The following ZNF337 variants were observed in gnomAD, a reference collection of about 807,000 sequenced individuals.
The protein encoded by ZNF337 is zinc finger protein 337.
Under a neutral mutation model 12.1 loss-of-function variants are expected in ZNF337, and 8 were observed. The ratio of observed to expected loss-of-function variants is 0.66; its 90% CI spans 0.39 to 1.19. The LOEUF (loss-of-function observed/expected upper bound fraction) is 1.19. Ranked by LOEUF, ZNF337 falls within the 50% of genes most tolerant of loss-of-function variation. The pLI is 0.01. For missense variants in ZNF337, 882 were observed against 896.6 expected, an observed-to-expected ratio of 0.98 and a Z score of 0.21; for synonymous variants, 336 against 320.0, an observed-to-expected ratio of 1.05 and a Z score of -0.53.
At position 25,676,983 on chromosome 20, in the gene ZNF337, C is replaced by T; in HGVS notation, c.305G>A (p.Arg102Lys). 6.2e-7 allele frequency: 1 copy of T among 1,613,900 alleles called. No homozygotes were observed. The highest frequency in any genetic ancestry group is 2.2e-5 in the East Asian group (1 of 44,874). Residue 102 changes from arginine (R) to lysine (K), a missense_variant, in exon 5 of 5, where the codon AGG (arginine) becomes AAG (lysine). Physicochemically the swap from Arg to Lys is conservative, Grantham distance 26. Coordinates refer to ENST00000252979, the MANE Select transcript of ZNF337 (RefSeq NM_015655.4). ...ATCAGAAAATTGTAGTTGCTGTTGCCTCTGATGTGCAAGTCCAAGATTCTT... is the reference window on the plus strand; with the variant it reads ...ATCAGAAAATTGTAGTTGCTGTTGCTTCTGATGTGCAAGTCCAAGATTCTT... ...RPKNLGLAHQ[R>K]QQQLQFSDQS...
At chr20:25,689,134 CA>C (rs35337654) in intron 1 of ZNF337, among the ~76,000 whole-genome samples, 1,027 of 66,956 alleles carry the variant, frequency 0.015, 9 homozygotes, top group African/African-American at 0.049. Context: ...GACTCCGTCA[CA>C]AAAAAAAAAA....
intron 1 of ZNF337, among the ~76,000 whole-genome samples, chr20:25,692,775 A>C (rs2065892016): frequency 6.6e-6 from 1 of 152,200 alleles, no homozygotes; most frequent in African/African-American, 2.4e-5. Context: ...AGTTACCAAT[A>C]AATTAGATAT....
chr20:25,686,472 GGAGGA>G lies in ZNF337; in HGVS notation c.-49-11_-49-7del. The stretch of plus-strand genomic sequence containing the variant: ...GAAGCTTGCAGATGGCCAATCTGTG[GGAGGA>G]GAGAAGTCAGAGGGTGGCTGGGTGC... On this transcript the variant is annotated splice_region_variant and splice_polypyrimidine_tract_variant and intron_variant, in intron 1 of 4. Transcript: ENST00000252979. The G allele has an allele frequency of 6.2e-7, 1 of 1,609,124 alleles. No individual in the cohort carries two copies. Among genetic ancestry groups the G allele is most frequent in the South Asian group, 1.1e-5 (1 of 90,268 alleles).
intron 4 of ZNF337, among the ~76,000 whole-genome samples, chr20:25,681,552 TG>T (rs1378201471): frequency 6.6e-6 from 1 of 152,186 alleles, no homozygotes; most frequent in Non-Finnish European, 1.5e-5. Flanking sequence ...GAGAGTATAC[TG>T]TGTAATTCCA....
At chr20:25,691,161 C>T (rs1375887851) in intron 1 of ZNF337, among the ~76,000 whole-genome samples, 4 of 151,896 alleles carry the variant, frequency 2.6e-5, no homozygotes, top group Non-Finnish European at 5.9e-5. Context: ...ATTCTGGACC[C>T]GAAAACACAG....
At position 25,673,209 on chromosome 20, in the gene ZNF337, G is replaced by GT; in HGVS notation, c.*1822dup. On this transcript the variant is annotated 3_prime_UTR_variant, in exon 5 of 5. Transcript: ENST00000252979. ...TCCCAGATCACTCAGATGTAAATGT[G>GT]TTTAATATGGAAGAGGAGCACAGAA... Among the ~76,000 whole-genome samples, 1 of 152,268 alleles carries GT rather than the reference G, an allele frequency of 6.6e-6. No homozygotes were observed. The highest frequency in any genetic ancestry group is 1.9e-4 in the East Asian group (1 of 5,188).
chr20:25,685,675 A>G lies in ZNF337; in HGVS notation c.155-13T>C, dbSNP rs1229583437. ...GAATGGAGAATTCCTGCTCACAGGG[A>G]AAAAAACCATGAGGTGACTCCTGGT... On this transcript the variant is annotated splice_polypyrimidine_tract_variant and intron_variant, in intron 3 of 4. Transcript: ENST00000252979. The G allele has an allele frequency of 1.9e-6, 3 of 1,602,408 alleles. No homozygotes were observed. The highest frequency in any genetic ancestry group is 8.5e-7 in the Non-Finnish European group (1 of 1,177,196).
intron 4 of ZNF337, among the ~76,000 whole-genome samples, chr20:25,683,514 GAAAA>G (rs376683089): frequency 2.5e-4 from 37 of 145,156 alleles, no homozygotes; most frequent in Admixed American, 9.6e-4. Flanking sequence ...AAATTTACAA[GAAAA>G]AAAAAAACCC....
chr20:25,690,043 T>C (rs1488459708), intron 1 of ZNF337, among the ~76,000 whole-genome samples: 1 of 152,186 alleles, frequency 6.6e-6, no homozygotes, highest in Non-Finnish European at 1.5e-5. Flanking sequence ...CCCAGCACTT[T>C]GGGAGGCTGA....
intron 4 of ZNF337, chr20:25,681,023 TTGA>T (rs1353234350): frequency 1.3e-5 from 2 of 152,186 alleles, no homozygotes; most frequent in African/African-American, 4.8e-5. Context: ...AATTCATATG[TTGA>T]TGCCTTAACC....
chr20:25,682,428 A>C (rs999601893), intron 4 of ZNF337, among the ~76,000 whole-genome samples: 3 of 152,236 alleles, frequency 2.0e-5, no homozygotes, highest in African/African-American at 7.2e-5. Flanking sequence ...GGAACAATCC[A>C]CTATGAATAT....
At position 25,688,983 on chromosome 20, in the gene ZNF337, C is replaced by CA. The variant is rs566510035; in HGVS notation, c.-49-2518dup. On this transcript the variant is annotated intron_variant, in intron 1 of 4. Coordinates refer to ENST00000252979, the MANE Select transcript of ZNF337 (RefSeq NM_015655.4). ...TCTCTACTGAAAATACAAAAAAATA[C>CA]AAAAAATAGCCGGGAGTGGTGGCGG... Among the ~76,000 whole-genome samples, 233 of 152,090 alleles carry CA rather than the reference C, an allele frequency of 1.5e-3. 1 individual carries two copies. The highest frequency in any genetic ancestry group is 5.5e-3 in the African/African-American group (228 of 41,500).
intron 1 of ZNF337, among the ~76,000 whole-genome samples, chr20:25,687,523 A>T (rs1313982645): frequency 6.6e-6 from 1 of 152,230 alleles, no homozygotes; most frequent in East Asian, 1.9e-4. Flanking sequence ...GATTATGATG[A>T]ACACAGCATA....
Position 25,696,750 on chromosome 20 carries a change from G to A in ZNF337, c.-50+9C>T. Reference sequence around the variant, plus strand: ...GCTGCAGAGAGGGACCCGCAGGAGCGCAGCTCACCGGGGCGGCTGAGGGCG... The same window carrying A: ...GCTGCAGAGAGGGACCCGCAGGAGCACAGCTCACCGGGGCGGCTGAGGGCG... On this transcript the variant is annotated intron_variant, in intron 1 of 4. Transcript: ENST00000252979. 10 of 985,502 alleles carry A rather than the reference G, an allele frequency of 1.0e-5. No individual in the cohort carries two copies. The highest frequency in any genetic ancestry group is 1.1e-5 in the Non-Finnish European group (9 of 829,954). 61.0% of individuals were successfully genotyped at this position (985,502 alleles called of 1,614,324 possible). A position where few individuals can be genotyped will look rare whatever the true frequency, so the allele number is the denominator to read the frequency against.
chr20:25,675,420 G>A lies in ZNF337; in HGVS notation c.1868C>T (p.Ser623Phe), dbSNP rs953422638. The A allele has an allele frequency of 2.5e-6, 4 of 1,613,350 alleles. No individual in the cohort carries two copies. The highest frequency in any genetic ancestry group is 2.5e-6 in the Non-Finnish European group (3 of 1,179,870). ...SNLVKHQLAHSGKQPFVCKEC... is the reference protein window; with the variant it reads ...SNLVKHQLAHFGKQPFVCKEC... ...CTTGCATACAAAAGGCTGCTTGCCA[G>A]AATGTGCAAGCTGGTGTTTCACAAG... Residue 623 changes from serine to phenylalanine, a missense_variant, in exon 5 of 5, where the codon TCT becomes TTT. Ser to Phe is a radical substitution (Grantham distance 155). Transcript: ENST00000252979.
chr20:25,688,876 C>A (rs898276556), intron 1 of ZNF337, among the ~76,000 whole-genome samples: 1 of 152,282 alleles, frequency 6.6e-6, no homozygotes, highest in Non-Finnish European at 1.5e-5. Flanking sequence ...CGCCTGTAAT[C>A]CTAGCACTTT....
intron 4 of ZNF337, among the ~76,000 whole-genome samples, chr20:25,681,800 A>G (rs1379091556): frequency 1.3e-5 from 2 of 152,190 alleles, no homozygotes; most frequent in African/African-American, 2.4e-5. Flanking sequence ...AATCCTAAAA[A>G]GAACCACAAA....
intron 3 of ZNF337, among the ~76,000 whole-genome samples, 158 bp from the exon 4 acceptor site, chr20:25,685,820 C>T (rs1340034040): frequency 2.0e-5 from 3 of 152,220 alleles, no homozygotes; most frequent in Admixed American, 1.3e-4. Context: ...CCAGGGGGAG[C>T]CCCAGTGTGG....
chr20:25,692,233 G>A (rs1241722964), intron 1 of ZNF337, among the ~76,000 whole-genome samples: 3 of 152,166 alleles, frequency 2.0e-5, no homozygotes, highest in Non-Finnish European at 4.4e-5. Flanking sequence ...TGAATTGTAA[G>A]GAGAAATTTT....
Sources: allele counts gnomAD v4.1 joint callset (sites outside exome capture counted in the v4.1 genomes callset), GRCh38; gene constraint gnomAD v4.1.1; transcripts MANE v1.5; gene names NCBI Gene and HGNC (gene_info 2026-07-23, HGNC 2026-07-21).